The following C12orf42 variants were observed in gnomAD, a reference collection of about 807,000 sequenced individuals.
The protein encoded by C12orf42 is chromosome 12 open reading frame 42.
C12orf42 carries 25 observed loss-of-function variants against 21.6 expected under a neutral mutation model. The observed-to-expected ratio is 1.16, with a 90% CI of 0.84 to 1.62. The LOEUF is 1.62. Ranked by LOEUF, C12orf42 falls within the 40% of genes most tolerant of loss-of-function variation. C12orf42 has a pLI of 0.00. For missense variants in C12orf42, 483 were observed against 459.3 expected (o/e 1.05, Z -0.47); for synonymous variants, 174 against 175.0 (o/e 0.99, Z 0.05).
chr12:103,170,503 C>A, the C12orf42 span, among the ~76,000 whole-genome samples: 48 of 152,050 alleles, frequency 3.2e-4, no homozygotes, highest in Non-Finnish European at 5.9e-4. Context: ...CATCAGCCTT[C>A]CACTTTTCTC....
chr12:103,480,886 G>C (rs1243532056), intron 1 of C12orf42, among the ~76,000 whole-genome samples: 3 of 151,478 alleles, frequency 2.0e-5, no homozygotes, highest in African/African-American at 7.3e-5. Context: ...ATCTATAACT[G>C]TTCATTAGAT....
chr12:103,532,929 C>A, the C12orf42 span, among the ~76,000 whole-genome samples: 1 of 152,152 alleles, frequency 6.6e-6, no homozygotes, highest in Non-Finnish European at 1.5e-5. Context: ...CAAGGTGAAG[C>A]GCGGATCACG....
At chr12:103,303,958 G>C (rs1228791549) in intron 5 of C12orf42, among the ~76,000 whole-genome samples, 1 of 152,198 alleles carries the variant, frequency 6.6e-6, no homozygotes, top group African/African-American at 2.4e-5. Flanking sequence ...CATTGATGTA[G>C]CTTTGGAGTT....
At chr12:103,229,759 C>T in the C12orf42 span, among the ~76,000 whole-genome samples, 1 of 152,012 alleles carries the variant, frequency 6.6e-6, no homozygotes, top group South Asian at 2.1e-4. Context: ...TACTTTTATT[C>T]TTCTATGACT....
downstream of C12orf42, among the ~76,000 whole-genome samples, chr12:103,300,746 A>C (rs2037593258): frequency 1.3e-5 from 2 of 152,214 alleles, no homozygotes; most frequent in Admixed American, 1.3e-4. Context: ...TGCCTAACAC[A>C]TTTATCTCCA....
intron 4 of C12orf42, among the ~76,000 whole-genome samples, chr12:103,355,271 T>C (rs1366730805): frequency 6.6e-6 from 1 of 152,104 alleles, no homozygotes. Context: ...TGAGCAGTCT[T>C]ACCATATGGA....
the C12orf42 span, among the ~76,000 whole-genome samples, chr12:103,177,965 C>T: frequency 7.9e-5 from 12 of 152,068 alleles, no homozygotes; most frequent in African/African-American, 2.7e-4. Flanking sequence ...AAGAATAAAG[C>T]GTGTTTCCTT....
At chr12:103,094,829 G>T in the C12orf42 span, among the ~76,000 whole-genome samples, 1 of 152,150 alleles carries the variant, frequency 6.6e-6, no homozygotes, top group South Asian at 2.1e-4. Flanking sequence ...TGCTGTTAAT[G>T]TGTTCTGAAG....
chr12:103,528,401 C>A, the C12orf42 span, among the ~76,000 whole-genome samples: 7 of 152,278 alleles, frequency 4.6e-5, no homozygotes, highest in South Asian at 1.2e-3. Flanking sequence ...GGATGTTTGT[C>A]CCTCTAAGTC....
intron 2 of C12orf42, among the ~76,000 whole-genome samples, chr12:103,422,493 C>T (rs781263988): frequency 8.5e-5 from 13 of 152,096 alleles, no homozygotes; most frequent in African/African-American, 1.9e-4. Context: ...TTACTGGATG[C>T]GGTACATTTC....
At chr12:103,317,977 T>TGAAGCCCA (rs2039686424) in intron 4 of C12orf42, among the ~76,000 whole-genome samples, 1 of 152,188 alleles carries the variant, frequency 6.6e-6, no homozygotes, top group South Asian at 2.1e-4. Context: ...GACATAGGGG[T>TGAAGCCCA]GAAGCCCAGT....
At chr12:103,432,039 G>A (rs917305243) in intron 2 of C12orf42, among the ~76,000 whole-genome samples, 2 of 152,178 alleles carry the variant, frequency 1.3e-5, no homozygotes, top group African/African-American at 2.4e-5. Context: ...GGTATTATAC[G>A]TTGGCATGCT....
chr12:103,381,303 A>G lies in C12orf42; in HGVS notation c.148-12305T>C, dbSNP rs918599809. Among the ~76,000 whole-genome samples, 7 of 152,310 alleles carry G rather than the reference A, an allele frequency of 4.6e-5. 1 individual carries two copies. Among genetic ancestry groups the G allele is most frequent in the Admixed American group, 2.6e-4 (4 of 15,300 alleles). On this transcript the variant is annotated intron_variant, in intron 3 of 5. Coordinates refer to ENST00000548883, the MANE Select transcript of C12orf42 (RefSeq NM_198521.5). ...CTTAGAGAAGTATGGAATGTTCTAT[A>G]GAGCTGAGCACATTGACAGGTTAAT...
At chr12:103,048,459 C>T in the C12orf42 span, among the ~76,000 whole-genome samples, 1 of 152,194 alleles carries the variant, frequency 6.6e-6, no homozygotes, top group South Asian at 2.1e-4. Flanking sequence ...CACGCATGCA[C>T]ATATTATAAT....
intron 4 of C12orf42, among the ~76,000 whole-genome samples, chr12:103,324,816 G>T (rs80017880): frequency 1.3e-5 from 2 of 152,210 alleles, no homozygotes; most frequent in African/African-American, 4.8e-5. Context: ...AGTGGCAGAT[G>T]ATCCATGGGG....
intron 4 of C12orf42, among the ~76,000 whole-genome samples, chr12:103,324,454 G>A (rs2040483428): frequency 1.3e-5 from 2 of 152,158 alleles, no homozygotes. Context: ...AAAACAAATT[G>A]GAAAGTATAG....
the C12orf42 span, among the ~76,000 whole-genome samples, chr12:103,525,013 G>GTTTGT: frequency 1.5e-4 from 22 of 151,502 alleles, no homozygotes; most frequent in African/African-American, 3.4e-4. Context: ...TTTGTTTTTT[G>GTTTGT]TTTGTTTTGT....
intron 2 of C12orf42, among the ~76,000 whole-genome samples, chr12:103,451,060 G>C (rs375852869): frequency 6.6e-6 from 1 of 151,996 alleles, no homozygotes; most frequent in African/African-American, 2.4e-5. Context: ...TTGTCACTTT[G>C]GGTGTGTCAG....
At chr12:103,515,475 C>T in the C12orf42 span, among the ~76,000 whole-genome samples, 2 of 152,162 alleles carry the variant, frequency 1.3e-5, no homozygotes, top group African/African-American at 4.8e-5. Context: ...GAGGAAAATT[C>T]CTTTGAAAAC....
Sources: allele counts gnomAD v4.1 joint callset (sites outside exome capture counted in the v4.1 genomes callset), GRCh38; gene constraint gnomAD v4.1.1; transcripts MANE v1.5; gene names NCBI Gene and HGNC (gene_info 2026-07-23, HGNC 2026-07-21).